The following ZFHX3 variants were observed in gnomAD, a reference collection of about 807,000 sequenced individuals.
The protein encoded by ZFHX3 is zinc finger homeobox 3.
ZFHX3 carries 42 observed loss-of-function variants against 279.1 expected under a neutral mutation model. That is an observed-to-expected ratio of 0.15 (90% CI 0.12 to 0.19). ZFHX3 has a LOEUF of 0.19. ZFHX3 is among the 10% of genes least tolerant of loss of function. The pLI, the probability that ZFHX3 is intolerant of heterozygous loss-of-function variation, is 1.00. For missense variants in ZFHX3, 4,981 were observed against 4,754.0 expected (o/e 1.05, Z -1.40); for synonymous variants, 2,293 against 1,957.8 (o/e 1.17, Z -4.52).
intron 1 of ZFHX3, 42 bp from the exon 2 acceptor site, chr16:72,960,236 A>G (rs1961509668): frequency 7.1e-7 from 1 of 1,415,504 alleles, no homozygotes; most frequent in African/African-American, 1.4e-5. Context: ...GAGAGGGGAA[A>G]GAGAGAGAGA....
chr16:73,190,119 A>T (rs1466390325), intron 5 of ZFHX3, among the ~76,000 whole-genome samples: 2 of 152,006 alleles, frequency 1.3e-5, no homozygotes, highest in Non-Finnish European at 2.9e-5. Context: ...CATCTTGACC[A>T]CTCCTTATCT....
intron 5 of ZFHX3, among the ~76,000 whole-genome samples, chr16:73,215,408 G>A (rs73597333): frequency 0.018 from 2,757 of 152,246 alleles, 102 homozygotes; most frequent in African/African-American, 0.064. Context: ...CTGCAGTTTT[G>A]CCAATTCAAA....
chr16:73,415,054 C>T (rs960748427), intron 3 of ZFHX3, among the ~76,000 whole-genome samples: 3 of 152,200 alleles, frequency 2.0e-5, no homozygotes, highest in African/African-American at 7.2e-5. Context: ...CTAGCCCAAT[C>T]CAGCATTCAC....
intron 3 of ZFHX3, among the ~76,000 whole-genome samples, chr16:72,907,323 T>C (rs2039201648): frequency 6.6e-6 from 1 of 152,152 alleles, no homozygotes; most frequent in Admixed American, 6.5e-5. Flanking sequence ...CATTCATTCA[T>C]TCCCCGTGTG....
At chr16:73,691,876 G>T (rs563495374) in intron 1 of ZFHX3, among the ~76,000 whole-genome samples, 1 of 152,276 alleles carries the variant, frequency 6.6e-6, no homozygotes, top group South Asian at 2.1e-4. Context: ...AATGTTTAAG[G>T]AGCACCTCCT....
In ZFHX3 at chr16:72,927,073, A is replaced by G. The variant is rs80188314; in HGVS notation, c.3216+23396T>C. The stretch of plus-strand genomic sequence containing the variant: ...AAATTACCTCTAAAAATCTATTTCC[A>G]TATTTCTTCCCTGGAATTTCACTTT... On this transcript the variant is annotated intron_variant, in intron 3 of 9. Coordinates refer to ENST00000268489, the MANE Select transcript of ZFHX3 (RefSeq NM_006885.4). 9.6e-3 allele frequency among the ~76,000 whole-genome samples: 1,460 copies of G among 152,340 alleles called. 21 individuals carry two copies. Among genetic ancestry groups the G allele is most frequent in the African/African-American group, 0.034 (1,395 of 41,572 alleles).
chr16:72,898,604 C>T (rs747652169), intron 3 of ZFHX3, among the ~76,000 whole-genome samples: 1 of 152,074 alleles, frequency 6.6e-6, no homozygotes, highest in Non-Finnish European at 1.5e-5. Flanking sequence ...TGTGGAATGT[C>T]GACGCCTCCA....
intron 1 of ZFHX3, among the ~76,000 whole-genome samples, chr16:73,031,678 C>T (rs1023207240): frequency 2.0e-5 from 3 of 152,186 alleles, no homozygotes; most frequent in Non-Finnish European, 4.4e-5. Context: ...TCAGAGCCAC[C>T]ACAGCAAACA....
intron 2 of ZFHX3, among the ~76,000 whole-genome samples, chr16:73,663,838 G>A (rs937175429): frequency 1.3e-5 from 2 of 152,152 alleles, no homozygotes; most frequent in African/African-American, 2.4e-5. Context: ...TTTAGGATAT[G>A]GCAGGTATTT....
intron 2 of ZFHX3, among the ~76,000 whole-genome samples, chr16:73,534,393 C>T (rs1454445018): frequency 6.6e-6 from 1 of 152,130 alleles, no homozygotes; most frequent in Non-Finnish European, 1.5e-5. Flanking sequence ...CCACCAACTC[C>T]AGACCTTTCA....
chr16:72,850,466 T>A (rs1355663863), intron 4 of ZFHX3, among the ~76,000 whole-genome samples: 2 of 152,268 alleles, frequency 1.3e-5, no homozygotes, highest in Admixed American at 6.5e-5. Context: ...AGCACTTATA[T>A]CACTGTAGAG....
At chr16:72,916,473 T>C (rs1363461701) in intron 3 of ZFHX3, among the ~76,000 whole-genome samples, 1 of 152,226 alleles carries the variant, frequency 6.6e-6, no homozygotes, top group Admixed American at 6.5e-5. Context: ...TCTAATAAGA[T>C]GTGAACAGAG....
At chr16:73,356,959 C>G (rs1041479210) in intron 3 of ZFHX3, among the ~76,000 whole-genome samples, 1 of 151,704 alleles carries the variant, frequency 6.6e-6, no homozygotes, top group African/African-American at 2.4e-5. Context: ...CCTCCTCCCT[C>G]GGGTGGACAA....
chr16:73,055,698 G>A (rs8047398), intron 1 of ZFHX3, among the ~76,000 whole-genome samples: 59,461 of 108,662 alleles, frequency 0.55, 13,785 homozygotes, highest in East Asian at 0.83. Context: ...GCGCGCGCGC[G>A]CACACACACA....
At chr16:73,460,516 A>C (rs774567959) in intron 2 of ZFHX3, among the ~76,000 whole-genome samples, 1 of 152,112 alleles carries the variant, frequency 6.6e-6, no homozygotes, top group Non-Finnish European at 1.5e-5. Flanking sequence ...AGGGTGGTGT[A>C]ATTGCTTGTT....
At chr16:73,321,214 T>A (rs1236183341) in intron 3 of ZFHX3, among the ~76,000 whole-genome samples, 5 of 152,098 alleles carry the variant, frequency 3.3e-5, no homozygotes, top group Non-Finnish European at 7.4e-5. Flanking sequence ...TTTTCTAGGG[T>A]CCTATGATAC....
intron 3 of ZFHX3, among the ~76,000 whole-genome samples, chr16:73,372,726 C>T (rs1241323738): frequency 1.3e-5 from 2 of 152,122 alleles, no homozygotes; most frequent in South Asian, 2.1e-4. Flanking sequence ...TGGATGATTC[C>T]GGTGACACTG....
At chr16:73,131,040 C>T in exon 7 of ZFHX3, 1 of 1,273,560 alleles carries the variant, frequency 7.9e-7, no homozygotes. Context: ...GGCTCCAATC[C>T]AGGTCCTGTC....
chr16:73,601,588 C>A (rs1418716792), intron 2 of ZFHX3, among the ~76,000 whole-genome samples: 1 of 152,020 alleles, frequency 6.6e-6, no homozygotes, highest in Non-Finnish European at 1.5e-5. Context: ...TGATTTTGTA[C>A]ATCCTACATA....
Sources: allele counts gnomAD v4.1 joint callset (sites outside exome capture counted in the v4.1 genomes callset), GRCh38; gene constraint gnomAD v4.1.1; transcripts MANE v1.5; gene names NCBI Gene and HGNC (gene_info 2026-07-23, HGNC 2026-07-21).